ACSBG1: variants seen among roughly 807,000 people sequenced by gnomAD.
The protein encoded by ACSBG1 is acyl-CoA synthetase bubblegum family member 1.
A neutral mutation model predicts 80.2 loss-of-function variants in ACSBG1; 39 were observed. That is an observed-to-expected ratio of 0.49 (90% CI 0.38 to 0.64). The LOEUF is 0.64. Ranked by LOEUF, ACSBG1 falls within the 30% of genes least tolerant of loss-of-function variation. ACSBG1 has a pLI of 0.00. For synonymous variants in ACSBG1, 392 were observed against 379.5 expected, an observed-to-expected ratio of 1.03 and a Z score of -0.38; for missense variants, 828 against 966.4, an observed-to-expected ratio of 0.86 and a Z score of 1.90.
chr15:78,225,939 A>C (rs1181006454), intron 1 of ACSBG1, among the ~76,000 whole-genome samples: 2 of 152,180 alleles, frequency 1.3e-5, no homozygotes, highest in African/African-American at 4.8e-5. Context: ...AAGCTGACTC[A>C]TGTGATTGTT....
intron 1 of ACSBG1, among the ~76,000 whole-genome samples, chr15:78,227,127 G>T (rs140353148): frequency 6.8e-6 from 1 of 146,426 alleles, no homozygotes; most frequent in Non-Finnish European, 1.5e-5. Flanking sequence ...GCTGAGCCAC[G>T]AGAATTGCTT....
Position 78,194,007 on chromosome 15 carries a change from TGCTTCAGGCCGA to T in ACSBG1, c.455_466del (p.Leu152_Lys155del). ...GCCGAGGATGGCCACACTGTGGGCC[TGCTTCAGGCCGA>T]GCTCCAGGTCAAAGGCAGACAGGCC... On this transcript the variant is annotated inframe_deletion and splice_region_variant, in exon 4 of 14. Transcript: ENST00000258873. The T allele has an allele frequency of 6.2e-7, 1 of 1,613,948 alleles. No homozygotes were observed. Among genetic ancestry groups the T allele is most frequent in the Non-Finnish European group, 8.5e-7 (1 of 1,179,998 alleles).
chr15:78,191,811 A>T (rs1312109894), intron 5 of ACSBG1, among the ~76,000 whole-genome samples: 1 of 152,180 alleles, frequency 6.6e-6, no homozygotes, highest in Non-Finnish European at 1.5e-5. Flanking sequence ...AGGACATGGT[A>T]TCACCTATGG....
intron 11 of ACSBG1, 94 bp from the exon 12 acceptor site, chr15:78,174,618 A>C: frequency 1.4e-6 from 2 of 1,454,204 alleles, no homozygotes; most frequent in Non-Finnish European, 1.8e-6. Context: ...CGGAAGCCTC[A>C]GCACAGCTGG....
chr15:78,222,068 G>A (rs1164518973), intron 1 of ACSBG1, among the ~76,000 whole-genome samples: 1 of 152,268 alleles, frequency 6.6e-6, no homozygotes, highest in South Asian at 2.1e-4. Context: ...ACTGAGGAAT[G>A]GGTAAACAAA....
In ACSBG1 at chr15:78,194,016, C is replaced by G. The variant is rs756150001; in HGVS notation, c.458G>C (p.Gly153Ala). 16 of 1,613,854 alleles carry G rather than the reference C, an allele frequency of 9.9e-6. No individual in the cohort carries two copies. Residue 153 changes from glycine to alanine, a missense_variant, in exon 4 of 14, where the codon GGC (glycine) becomes GCC (alanine). This residue lies in a region of ACSBG1 where 356 missense variants were observed against 363.5 expected (regional missense o/e 0.98). Transcript: ENST00000258873. ...GGCCACACTGTGGGCCTGCTTCAGG[C>G]CGAGCTCCAGGTCAAAGGCAGACAG... The part of the protein sequence containing the change: ...RRAAKGFLKL[G>A]LKQAHSVAIL...
At chr15:78,185,191 T>C (rs1428390422) in intron 5 of ACSBG1, among the ~76,000 whole-genome samples, 1 of 152,058 alleles carries the variant, frequency 6.6e-6, no homozygotes, top group East Asian at 1.9e-4. Context: ...AGGAGAGAAC[T>C]ATATAGAGAA....
intron 2 of ACSBG1, among the ~76,000 whole-genome samples, chr15:78,197,717 T>C (rs2075127670): frequency 1.3e-5 from 1 of 78,812 alleles, no homozygotes; most frequent in African/African-American, 3.9e-5. Flanking sequence ...AGACTCTGTC[T>C]TTAAAAAAAA....
At chr15:78,229,641 G>A (rs2075430777) in intron 1 of ACSBG1, among the ~76,000 whole-genome samples, 2 of 152,286 alleles carry the variant, frequency 1.3e-5, no homozygotes, top group Admixed American at 6.5e-5. Context: ...GGAGCCCAGA[G>A]TGAGTGTGGT....
At chr15:78,181,627 G>A (rs1016255013) in intron 8 of ACSBG1, among the ~76,000 whole-genome samples, 2 of 151,478 alleles carry the variant, frequency 1.3e-5, no homozygotes, top group Non-Finnish European at 2.9e-5. Flanking sequence ...CCTAGTAGCT[G>A]GGACTACAGG....
At chr15:78,217,205 C>G (rs1024963949) in intron 1 of ACSBG1, among the ~76,000 whole-genome samples, 1 of 152,222 alleles carries the variant, frequency 6.6e-6, no homozygotes, top group Non-Finnish European at 1.5e-5. Context: ...TAGCTTGTAA[C>G]TAACACATAA....
intron 5 of ACSBG1, 22 bp from the exon 6 acceptor site, chr15:78,182,807 A>T (rs754526364): frequency 6.2e-7 from 1 of 1,612,920 alleles, no homozygotes; most frequent in South Asian, 1.1e-5. Flanking sequence ...GGAAAAATAG[A>T]TCAGGTTTCA....
In ACSBG1 at chr15:78,172,962, G is replaced by C. The variant is rs1276494036; in HGVS notation, c.2089+631C>G. On this transcript the variant is annotated intron_variant, in intron 13 of 13. Transcript: ENST00000258873. This position sits in a 1 kb window ranked among gnomAD's most constrained non-coding sequence, Gnocchi z 4.1. ...CCAGGCTGAACACTAGCAGGGCCTT[G>C]GTGTTGGCCTGGTAGTTCCATTGTG... is the stretch of plus-strand genomic sequence containing the variant. Among the ~76,000 whole-genome samples the C allele has an allele frequency of 1.3e-5, 2 of 152,186 alleles. No individual in the cohort carries two copies. The highest frequency in any genetic ancestry group is 4.8e-5 in the African/African-American group (2 of 41,444).
At chr15:78,229,838 T>TTC (rs766310525) in intron 1 of ACSBG1, among the ~76,000 whole-genome samples, 5 of 152,192 alleles carry the variant, frequency 3.3e-5, no homozygotes, top group Non-Finnish European at 7.3e-5. Flanking sequence ...GTCTGCCTCC[T>TTC]TCTTTGAGCC....
intron 2 of ACSBG1, among the ~76,000 whole-genome samples, chr15:78,197,742 A>G (rs868341519): frequency 2.8e-4 from 42 of 147,874 alleles, no homozygotes; most frequent in Middle Eastern, 3.4e-3. Flanking sequence ...AAAAAAAAAA[A>G]ATAGAATGTT....
At chr15:78,198,187 C>T (rs2075132351) in intron 2 of ACSBG1, among the ~76,000 whole-genome samples, 1 of 151,982 alleles carries the variant, frequency 6.6e-6, no homozygotes, top group Non-Finnish European at 1.5e-5. Flanking sequence ...CAGGCATGCA[C>T]CACCATGTCT....
chr15:78,194,070 C>T, intron 3 of ACSBG1, 50 bp from the exon 4 acceptor site: 1 of 1,567,442 alleles, frequency 6.4e-7, no homozygotes. Context: ...GGACTGGGAC[C>T]CTCATGCCCC....
chr15:78,225,378 G>C (rs1484345783), intron 1 of ACSBG1, among the ~76,000 whole-genome samples: 2 of 147,828 alleles, frequency 1.4e-5, no homozygotes, highest in African/African-American at 2.5e-5. Flanking sequence ...TACAACCTGA[G>C]CAACAAGAGT....
Position 78,192,634 on chromosome 15 carries a change from C to T in ACSBG1, c.663+872G>A, listed in dbSNP as rs542442341. Among the ~76,000 whole-genome samples the T allele has an allele frequency of 1.3e-3, 202 of 152,308 alleles. 2 individuals are homozygous for T. Among genetic ancestry groups the T allele is most frequent in the African/African-American group, 4.7e-3 (194 of 41,566 alleles). Reference sequence around the variant, plus strand: ...TGGTATCCCCCAAGGATACTGGCCCCACTTGCTTTTCTCTTTCAGGCTTCA... The same window carrying T: ...TGGTATCCCCCAAGGATACTGGCCCTACTTGCTTTTCTCTTTCAGGCTTCA... On this transcript the variant is annotated intron_variant, in intron 5 of 13. Transcript: ENST00000258873.
Sources: allele counts gnomAD v4.1 joint callset (sites outside exome capture counted in the v4.1 genomes callset), GRCh38; gene constraint gnomAD v4.1.1; regional missense constraint gnomAD v4.1.1; non-coding constraint Gnocchi (gnomAD v3.1); transcripts MANE v1.5; gene names NCBI Gene and HGNC (gene_info 2026-07-23, HGNC 2026-07-21).